NLRP9: variants seen among roughly 807,000 people sequenced by gnomAD.
NLRP9 encodes NACHT, LRR and PYD domains-containing protein 9.
NLRP9 carries 88 observed loss-of-function variants against 83.1 expected under a neutral mutation model. The observed-to-expected ratio is 1.06, with a 90% CI of 0.89 to 1.26. NLRP9 has a LOEUF of 1.26. Ranked by LOEUF, NLRP9 falls within the 50% of genes most tolerant of loss-of-function variation. The pLI, the probability that NLRP9 is intolerant of heterozygous loss-of-function variation, is 0.00. For missense variants in NLRP9, 1,308 were observed against 1,179.3 expected (o/e 1.11, Z -1.60); for synonymous variants, 521 against 447.6 (o/e 1.16, Z -2.07).
At position 55,729,723 on chromosome 19, in the gene NLRP9, A is replaced by G; in HGVS notation, c.1994+108T>C. ...ATGTACATGTCACTACATTTAACAC[A>G]CTGGATTGCCGCTCTGCATTTATGC... On this transcript the variant is annotated intron_variant, in intron 3 of 8. Coordinates refer to ENST00000332836, the MANE Select transcript of NLRP9 (RefSeq NM_176820.4). 6 of 858,874 alleles carry G rather than the reference A, an allele frequency of 7.0e-6. No individual in the cohort carries two copies. In the Admixed American group the frequency reaches 7.3e-5, roughly 11 times the overall value. The allele number at this position is 858,874 out of a possible 1,614,324, so 53.2% of individuals were successfully genotyped here. A position where few individuals can be genotyped will look rare whatever the true frequency, so the allele number is the denominator to read the frequency against.
intron 3 of NLRP9, among the ~76,000 whole-genome samples, chr19:55,725,069 A>G (rs1199785171): frequency 1.3e-5 from 2 of 152,180 alleles, no homozygotes; most frequent in Non-Finnish European, 2.9e-5. Flanking sequence ...CAAAAAAAAG[A>G]AATGAGCATT....
rs1988615678 is a variant in NLRP9 at position 55,732,640 on chromosome 19, A to T, written c.1191T>A (p.Ala397=). 1 of 1,614,106 alleles carries T rather than the reference A, an allele frequency of 6.2e-7. No individual in the cohort carries two copies. The highest frequency in any genetic ancestry group is 8.5e-7 in the Non-Finnish European group (1 of 1,180,050). ...VNRARLKSLC[A]LAAEGIWTYT... ...ATGTCCAAATTCCCTCTGCAGCCAA[A>T]GCACACAGGCTTTTTAGTCGGGCTC... The change falls in exon 2 of 9, where the codon GCT becomes GCA. Residue 397 remains alanine, a synonymous_variant. Transcript: ENST00000332836.
intron 3 of NLRP9, among the ~76,000 whole-genome samples, chr19:55,729,044 CTTTTTCTTTTT>C (rs1345280227): frequency 1.0e-5 from 1 of 98,236 alleles, no homozygotes; most frequent in African/African-American, 4.3e-5. Context: ...TCTTATTTTT[CTTTTTCTTTTT>C]TTTTTTTTTT....
At chr19:55,710,300 A>C (rs1225791613) in intron 8 of NLRP9, among the ~76,000 whole-genome samples, 1 of 151,752 alleles carries the variant, frequency 6.6e-6, no homozygotes, top group Non-Finnish European at 1.5e-5. Flanking sequence ...CTCTGAATTC[A>C]TTTTTCCCTT....
intron 3 of NLRP9, among the ~76,000 whole-genome samples, chr19:55,729,157 C>A (rs529258504): frequency 3.0e-4 from 44 of 149,004 alleles, no homozygotes; most frequent in Non-Finnish European, 5.9e-4. Context: ...CCACTCACAT[C>A]CAAGCAAAGG....
intron 4 of NLRP9, among the ~76,000 whole-genome samples, chr19:55,720,971 C>T (rs970969987): frequency 2.6e-5 from 4 of 152,010 alleles, no homozygotes; most frequent in Admixed American, 6.6e-5. Flanking sequence ...ATATTATGCC[C>T]GAAGCAGAAT....
At position 55,715,104 on chromosome 19, in the gene NLRP9, A is replaced by G. The variant is rs559544386; in HGVS notation, c.2452T>C (p.Ser818Pro). Residue 818 changes from serine (S) to proline (P), a missense_variant, in exon 6 of 9, where the codon TCT becomes CCT. Coordinates refer to ENST00000332836, the MANE Select transcript of NLRP9 (RefSeq NM_176820.4). ...SNALEDNGVA[S>P]LCAALKHPGC... ...GGGTGCTTCAGCGCTGCACACAGAG[A>G]TGCCACTCCATTATCTTCCAGGGCA... 1.2e-6 allele frequency: 2 copies of G among 1,613,042 alleles called. No homozygotes were observed. Among genetic ancestry groups the G allele is most frequent in the Non-Finnish European group, 1.7e-6 (2 of 1,179,846 alleles).
At chr19:55,718,355 CTT>C (rs914988817) in intron 4 of NLRP9, among the ~76,000 whole-genome samples, 14 of 152,202 alleles carry the variant, frequency 9.2e-5, no homozygotes, top group African/African-American at 3.1e-4. Flanking sequence ...AGGGAGGCCT[CTT>C]TGCAGTTGAG....
intron 1 of NLRP9, among the ~76,000 whole-genome samples, chr19:55,735,492 A>G (rs1038335881): frequency 6.6e-6 from 1 of 152,162 alleles, no homozygotes; most frequent in South Asian, 2.1e-4. Flanking sequence ...AATGTCATCA[A>G]TGTATGTAAT....
intron 3 of NLRP9, among the ~76,000 whole-genome samples, chr19:55,726,852 G>A (rs1988417763): frequency 6.6e-6 from 1 of 152,120 alleles, no homozygotes; most frequent in Non-Finnish European, 1.5e-5. Context: ...CAACAGAAAA[G>A]AGAAGGAAAA....
intron 8 of NLRP9, among the ~76,000 whole-genome samples, chr19:55,710,218 T>G (rs8105023): frequency 0.41 from 61,807 of 151,814 alleles, 14,133 homozygotes; most frequent in African/African-American, 0.62. Context: ...AGGGAGACAT[T>G]ATTATTATTA....
intron 2 of NLRP9, among the ~76,000 whole-genome samples, chr19:55,730,291 T>C (rs925161521): frequency 2.4e-4 from 37 of 152,070 alleles, no homozygotes; most frequent in Non-Finnish European, 5.0e-4. Context: ...CCATCTCTAT[T>C]AAAAATTTAA....
intron 2 of NLRP9, among the ~76,000 whole-genome samples, chr19:55,730,544 T>C (rs1185388317): frequency 1.3e-5 from 2 of 151,782 alleles, no homozygotes; most frequent in African/African-American, 4.8e-5. Context: ...AAAGAAAATG[T>C]GGTACATATA....
At chr19:55,724,698 G>C (rs919809901) in intron 3 of NLRP9, among the ~76,000 whole-genome samples, 1 of 151,886 alleles carries the variant, frequency 6.6e-6, no homozygotes, top group Non-Finnish European at 1.5e-5. Flanking sequence ...TGTTGCTTTT[G>C]CAAGATTGGG....
At chr19:55,725,343 T>C (rs10407195) in intron 3 of NLRP9, among the ~76,000 whole-genome samples, 18,844 of 152,168 alleles carry the variant, frequency 0.12, 1,460 homozygotes, top group African/African-American at 0.22. Context: ...TAAGAATAAA[T>C]ACATGACACA....
At chr19:55,735,739 G>C (rs752675174) in intron 1 of NLRP9, among the ~76,000 whole-genome samples, 2 of 151,952 alleles carry the variant, frequency 1.3e-5, no homozygotes, top group African/African-American at 2.4e-5. Flanking sequence ...CCAGGCTAAA[G>C]TGCAGTGGTG....
At chr19:55,733,619 T>A in intron 1 of NLRP9, 69 bp from the exon 2 acceptor site, 2 of 962,080 alleles carry the variant, frequency 2.1e-6, no homozygotes, top group Non-Finnish European at 3.1e-6. Flanking sequence ...CTGAGAACTG[T>A]AAACCAAAAA....
intron 5 of NLRP9, among the ~76,000 whole-genome samples, chr19:55,715,992 G>A (rs1336986663): frequency 6.6e-6 from 1 of 152,210 alleles, no homozygotes; most frequent in East Asian, 1.9e-4. Flanking sequence ...CTTCAATGAT[G>A]TCAGATGATG....
At position 55,709,035 on chromosome 19, in the gene NLRP9, T is replaced by A. The variant is rs1232426065; in HGVS notation, c.2853A>T (p.Lys951Asn). Reference sequence around the variant, plus strand: ...TCTGAGTTTCTTCATCAAAGCCAGATTTGTGCAGCCTGGGAAAATAGAAAT... The same window carrying A: ...TCTGAGTTTCTTCATCAAAGCCAGAATTGTGCAGCCTGGGAAAATAGAAAT... ...DCALQMLGLHKSGFDEETQKI... is the reference protein window; with the variant it reads ...DCALQMLGLHNSGFDEETQKI... The change falls in exon 9 of 9, where the codon AAA becomes AAT. Residue 951 changes from lysine (K) to asparagine (N), a missense_variant. Coordinates refer to ENST00000332836, the MANE Select transcript of NLRP9 (RefSeq NM_176820.4). 6.4e-6 allele frequency: 10 copies of A among 1,573,172 alleles called. No individual in the cohort carries two copies. Among genetic ancestry groups the A allele is most frequent in the Non-Finnish European group, 8.6e-6 (10 of 1,167,108 alleles).
Sources: gnomAD v4.1 joint callset for allele counts (sites outside exome capture counted in the v4.1 genomes callset) on GRCh38, gnomAD v4.1.1 for gene constraint, MANE v1.5 for transcripts, NCBI Gene and HGNC (gene_info 2026-07-23, HGNC 2026-07-21) for gene names.